RAD51B: variants seen among roughly 807,000 people sequenced by gnomAD.
RAD51B encodes the protein RAD51 paralog B, also known as DNA repair protein RAD51 homolog 2.
In RAD51B, 38 loss-of-function variants were observed where a neutral mutation model predicts 42.2. That is an observed-to-expected ratio of 0.90 (90% CI 0.70 to 1.18). The LOEUF (loss-of-function observed/expected upper bound fraction) is 1.18. RAD51B is among the 50% of genes most tolerant of loss of function. The pLI, the probability that RAD51B is intolerant of heterozygous loss-of-function variation, is 0.00. For synonymous variants in RAD51B, 154 were observed against 145.2 expected, an observed-to-expected ratio of 1.06 and a Z score of -0.43; for missense variants, 373 against 400.7, an observed-to-expected ratio of 0.93 and a Z score of 0.59.
intron 7 of RAD51B, among the ~76,000 whole-genome samples, chr14:67,960,084 CA>C (rs530368478): frequency 0.013 from 1,882 of 140,334 alleles, 18 homozygotes; most frequent in Non-Finnish European, 0.022. Flanking sequence ...GACTCCATCT[CA>C]AAAAAAAAAA....
intron 7 of RAD51B, among the ~76,000 whole-genome samples, chr14:68,211,432 C>A (rs1480472931): frequency 6.6e-6 from 1 of 152,138 alleles, no homozygotes; most frequent in African/African-American, 2.4e-5. Context: ...ATTGTAGCAC[C>A]TCTTTTGTGT....
intron 9 of RAD51B, among the ~76,000 whole-genome samples, chr14:68,456,473 A>ACT (rs2085689090): frequency 6.6e-6 from 1 of 152,230 alleles, no homozygotes; most frequent in Admixed American, 6.5e-5. Context: ...GACAAAAATC[A>ACT]TTACTGGAAA....
chr14:68,265,938 G>A (rs116986374), intron 7 of RAD51B, among the ~76,000 whole-genome samples: 3,104 of 152,262 alleles, frequency 0.02, 55 homozygotes, highest in Non-Finnish European at 0.035. Context: ...AAATGTAGCA[G>A]CATTGGAAAT....
intron 7 of RAD51B, among the ~76,000 whole-genome samples, chr14:67,964,933 A>C (rs1299511684): frequency 6.6e-6 from 1 of 152,260 alleles, no homozygotes; most frequent in Non-Finnish European, 1.5e-5. Context: ...TCCTTTCTAC[A>C]CAGGCACTTT....
intron 7 of RAD51B, among the ~76,000 whole-genome samples, chr14:68,026,126 T>G (rs1188905381): frequency 2.6e-5 from 4 of 152,176 alleles, no homozygotes; most frequent in Admixed American, 1.3e-4. Context: ...CAGGAGCAAG[T>G]TGTGTAATTT....
chr14:68,629,663 T>C (rs1424854874), intron 10 of RAD51B, among the ~76,000 whole-genome samples: 2 of 152,202 alleles, frequency 1.3e-5, no homozygotes, highest in African/African-American at 4.8e-5. Context: ...TTGTGATGCC[T>C]GTTTGAGGCC....
chr14:68,015,522 C>CAA (rs939347783), intron 7 of RAD51B, among the ~76,000 whole-genome samples: 1 of 152,188 alleles, frequency 6.6e-6, no homozygotes, highest in African/African-American at 2.4e-5. Flanking sequence ...GAAGGAGGAG[C>CAA]AAAGTCATGT....
At chr14:68,508,185 G>A (rs1281924324) in intron 10 of RAD51B, among the ~76,000 whole-genome samples, 2 of 152,164 alleles carry the variant, frequency 1.3e-5, no homozygotes, top group Non-Finnish European at 2.9e-5. Flanking sequence ...TGTTGATGGT[G>A]ATGGAAGTTT....
At chr14:68,043,704 A>C (rs963164769) in intron 7 of RAD51B, among the ~76,000 whole-genome samples, 2 of 152,218 alleles carry the variant, frequency 1.3e-5, no homozygotes, top group Non-Finnish European at 2.9e-5. Flanking sequence ...ATTTAATTTG[A>C]AAACTAATGT....
At chr14:68,205,963 A>G (rs2079576093) in intron 7 of RAD51B, among the ~76,000 whole-genome samples, 1 of 152,196 alleles carries the variant, frequency 6.6e-6, no homozygotes, top group Non-Finnish European at 1.5e-5. Context: ...AGTTGGCTCA[A>G]AGATACAATA....
chr14:68,408,369 C>T (rs2084333010), intron 8 of RAD51B, among the ~76,000 whole-genome samples: 1 of 152,130 alleles, frequency 6.6e-6, no homozygotes, highest in Admixed American at 6.5e-5. Flanking sequence ...TATGAGCTTG[C>T]TTTGATGATA....
chr14:67,936,444 CA>C (rs1320832688), intron 7 of RAD51B, among the ~76,000 whole-genome samples: 1 of 152,134 alleles, frequency 6.6e-6, no homozygotes, highest in African/African-American at 2.4e-5. Context: ...TTTTCATTGC[CA>C]AATAATATAC....
chr14:68,014,014 C>T (rs919201323), intron 7 of RAD51B, among the ~76,000 whole-genome samples: 21 of 152,080 alleles, frequency 1.4e-4, no homozygotes, highest in Non-Finnish European at 2.5e-4. Flanking sequence ...AGAATAAATA[C>T]AATATCTTGG....
chr14:68,659,243 TG>T (rs1892885147), intron 11 of RAD51B, among the ~76,000 whole-genome samples: 1 of 152,224 alleles, frequency 6.6e-6, no homozygotes, highest in Non-Finnish European at 1.5e-5. Flanking sequence ...TGGGGCCGGC[TG>T]GGCCACCTTC....
At chr14:68,053,283 A>G (rs1254960060) in intron 7 of RAD51B, among the ~76,000 whole-genome samples, 1 of 152,196 alleles carries the variant, frequency 6.6e-6, no homozygotes, top group Non-Finnish European at 1.5e-5. Flanking sequence ...GTACGAAAGA[A>G]TGGGCTCTAG....
At chr14:67,837,716 A>T (rs2140302913) in intron 4 of RAD51B, among the ~76,000 whole-genome samples, 1 of 152,292 alleles carries the variant, frequency 6.6e-6, no homozygotes, top group Admixed American at 6.5e-5. Context: ...ATATTCTGAT[A>T]TGTGTGTGCA....
chr14:68,128,677 G>A (rs937925844), intron 7 of RAD51B, among the ~76,000 whole-genome samples: 1 of 152,156 alleles, frequency 6.6e-6, no homozygotes, highest in Admixed American at 6.5e-5. Flanking sequence ...AGGTGACAGA[G>A]TGAGACCCTG....
At chr14:67,980,438 C>T (rs1398063695) in intron 7 of RAD51B, among the ~76,000 whole-genome samples, 18 of 152,000 alleles carry the variant, frequency 1.2e-4, no homozygotes, top group Non-Finnish European at 7.4e-5. Flanking sequence ...AACGAAACTC[C>T]GTCTTAAAAA....
At chr14:68,419,430 A>G (rs1388711338) in intron 9 of RAD51B, among the ~76,000 whole-genome samples, 1 of 42,216 alleles carries the variant, frequency 2.4e-5, no homozygotes, top group Non-Finnish European at 4.9e-5. Flanking sequence ...ACTGTGCAGG[A>G]AAAAAAAAAA....
Sources: gnomAD v4.1 joint callset for allele counts (sites outside exome capture counted in the v4.1 genomes callset) on GRCh38, gnomAD v4.1.1 for gene constraint, MANE v1.5 for transcripts, NCBI Gene and HGNC (gene_info 2026-07-23, HGNC 2026-07-21) for gene names.